Variants in MAGI2 observed in about 807,000 individuals in gnomAD.
The protein encoded by MAGI2 is membrane associated guanylate kinase, WW and PDZ domain containing 2.
MAGI2 carries 35 observed loss-of-function variants against 133.3 expected under a neutral mutation model. That is an observed-to-expected ratio of 0.26 (90% CI 0.20 to 0.35). The LOEUF is 0.35. Among genes scored for constraint, MAGI2 ranks in the 10% least tolerant of loss-of-function variants. The pLI is 1.00. For missense variants in MAGI2, 1,636 were observed against 1,863.4 expected (o/e 0.88, Z 2.25); for synonymous variants, 729 against 710.6 (o/e 1.03, Z -0.41).
Position 79,416,017 on chromosome 7 carries a change from C to A in MAGI2, c.301+37003G>T, listed in dbSNP as rs898907500. On this transcript the variant is annotated intron_variant, in intron 1 of 21. Transcript: ENST00000354212. ...AGAAAAAAGAGTCTATTTGCTAATA[C>A]CTAATAATGAGTAGAAAACTAGGAG... is the stretch of plus-strand genomic sequence containing the variant. Among the ~76,000 whole-genome samples, 7 of 152,016 alleles carry A rather than the reference C, an allele frequency of 4.6e-5. 1 individual carries two copies. The highest frequency in any genetic ancestry group is 1.5e-5 in the Non-Finnish European group (1 of 68,016).
intron 2 of MAGI2, among the ~76,000 whole-genome samples, chr7:78,737,900 A>G (rs1822024238): frequency 6.6e-6 from 1 of 152,120 alleles, no homozygotes; most frequent in Non-Finnish European, 1.5e-5. Flanking sequence ...AAAACATTTG[A>G]GAATGGCTAT....
chr7:78,120,548 A>G (rs576502150), intron 20 of MAGI2, among the ~76,000 whole-genome samples: 1 of 152,352 alleles, frequency 6.6e-6, no homozygotes, highest in Admixed American at 6.5e-5. Context: ...CACTCATTAA[A>G]AGGTAGCTAA....
chr7:78,586,467 G>A (rs1250026152), intron 3 of MAGI2, among the ~76,000 whole-genome samples: 1 of 151,550 alleles, frequency 6.6e-6, no homozygotes, highest in African/African-American at 2.4e-5. Context: ...AAGGCTCAAA[G>A]TTTTAACATG....
chr7:78,716,984 G>T (rs1395751624), intron 2 of MAGI2, among the ~76,000 whole-genome samples: 2 of 152,090 alleles, frequency 1.3e-5, no homozygotes. Flanking sequence ...AGACTGAACC[G>T]TGAAGAAACA....
chr7:78,358,735 G>A, intron 7 of MAGI2: 1 of 211,896 alleles, frequency 4.7e-6, no homozygotes, highest in South Asian at 6.7e-5. Context: ...CCACCATGGG[G>A]GAGAAGAGGA....
intron 16 of MAGI2, among the ~76,000 whole-genome samples, chr7:78,148,598 G>A (rs753857783): frequency 6.6e-6 from 1 of 152,186 alleles, no homozygotes; most frequent in Non-Finnish European, 1.5e-5. Context: ...GAGGTGAGCA[G>A]GGGAAAGTGT....
intron 3 of MAGI2, among the ~76,000 whole-genome samples, chr7:78,552,465 A>G (rs891893907): frequency 6.6e-6 from 1 of 152,290 alleles, no homozygotes; most frequent in East Asian, 1.9e-4. Flanking sequence ...TTACAGGCGT[A>G]AGCCACTGCG....
intron 1 of MAGI2, among the ~76,000 whole-genome samples, chr7:79,430,967 G>A (rs562643909): frequency 1.3e-5 from 2 of 152,274 alleles, no homozygotes; most frequent in South Asian, 4.1e-4. Context: ...AATAAAGACC[G>A]ATAAGCTTGA....
At chr7:78,995,730 CT>C (rs958848951) in intron 2 of MAGI2, among the ~76,000 whole-genome samples, 2 of 151,688 alleles carry the variant, frequency 1.3e-5, no homozygotes, top group African/African-American at 4.8e-5. Context: ...CTTTTCTTTT[CT>C]TTTTTACCAT....
chr7:78,724,247 C>T (rs1424125488), intron 2 of MAGI2, among the ~76,000 whole-genome samples: 1 of 152,126 alleles, frequency 6.6e-6, no homozygotes, highest in Non-Finnish European at 1.5e-5. Flanking sequence ...CATCTCTTTC[C>T]CTCTCTAGGC....
rs1794221181 is a variant in MAGI2, at chr7:78,497,722, T to TCTA, written c.965+3854_965+3855insTAG. On this transcript the variant is annotated intron_variant, in intron 5 of 21. Transcript: ENST00000354212. ...CCTTTATGCTATTCAGAAATAACTA[T>TCTA]TCTATCTATCTATCTATCTATCTAT... Among the ~76,000 whole-genome samples, 37 of 97,242 alleles carry TCTA rather than the reference T, an allele frequency of 3.8e-4. 1 individual carries two copies. In the East Asian group the frequency reaches 9.5e-3, roughly 25 times the overall value. The allele number at this position is 97,242 out of a possible 152,430, so 63.8% of individuals were successfully genotyped here.
chr7:78,126,804 C>G (rs1486971801), intron 19 of MAGI2, among the ~76,000 whole-genome samples: 1 of 152,158 alleles, frequency 6.6e-6, no homozygotes, highest in Non-Finnish European at 1.5e-5. Context: ...AAATATGGAC[C>G]TAAAATACCT....
intron 2 of MAGI2, among the ~76,000 whole-genome samples, chr7:79,001,389 C>T (rs1035618635): frequency 1.8e-4 from 28 of 152,182 alleles, no homozygotes; most frequent in African/African-American, 6.5e-4. Context: ...ATTTTAACCA[C>T]CTTCCTTTTC....
chr7:78,854,997 C>T (rs6957268), intron 2 of MAGI2, among the ~76,000 whole-genome samples: 9,548 of 151,178 alleles, frequency 0.063, 369 homozygotes, highest in Middle Eastern at 0.11. Flanking sequence ...AGATTACAGG[C>T]GCTTACCACG....
intron 6 of MAGI2, among the ~76,000 whole-genome samples, chr7:78,385,275 G>A (rs1795276517): frequency 6.6e-6 from 1 of 152,172 alleles, no homozygotes; most frequent in African/African-American, 2.4e-5. Context: ...CACATTTTTA[G>A]TTTGTGTTGT....
At chr7:78,637,035 C>T (rs917742367) in intron 2 of MAGI2, among the ~76,000 whole-genome samples, 3 of 152,168 alleles carry the variant, frequency 2.0e-5, no homozygotes, top group African/African-American at 7.2e-5. Flanking sequence ...TCCAATTTCA[C>T]TCATAGCTCA....
At chr7:79,370,240 T>C (rs1842968054) in intron 1 of MAGI2, among the ~76,000 whole-genome samples, 1 of 152,174 alleles carries the variant, frequency 6.6e-6, no homozygotes, top group Non-Finnish European at 1.5e-5. Context: ...GGTTATTAAA[T>C]ATTTTTACCA....
At chr7:78,782,073 G>A (rs760089084) in intron 2 of MAGI2, among the ~76,000 whole-genome samples, 1 of 152,174 alleles carries the variant, frequency 6.6e-6, no homozygotes, top group African/African-American at 2.4e-5. Context: ...AATATTAGAA[G>A]TTACCTTAAG....
At chr7:78,580,188 TTTAAAAA>T (rs1158983084) in intron 3 of MAGI2, among the ~76,000 whole-genome samples, 1 of 152,186 alleles carries the variant, frequency 6.6e-6, no homozygotes, top group Non-Finnish European at 1.5e-5. Flanking sequence ...CCCTTTGAAA[TTTAAAAA>T]TTAATAAGAT....
Sources: allele counts gnomAD v4.1 joint callset (sites outside exome capture counted in the v4.1 genomes callset), GRCh38; gene constraint gnomAD v4.1.1; transcripts MANE v1.5; gene names NCBI Gene and HGNC (gene_info 2026-07-23, HGNC 2026-07-21).